LPCAT2: variants seen among roughly 807,000 people sequenced by gnomAD.
LPCAT2 encodes the protein 1-AGP acyltransferase 11.
In LPCAT2, 58 loss-of-function variants were observed where a neutral mutation model predicts 64.7. The observed-to-expected ratio is 0.90, with a 90% confidence interval of 0.73 to 1.12. The LOEUF (loss-of-function observed/expected upper bound fraction) is 1.12, where lower values mean the gene tolerates loss of function less well. Ranked by LOEUF, LPCAT2 falls within the 50% of genes most tolerant of loss-of-function variation. LPCAT2 has a pLI of 0.00. For missense variants in LPCAT2, 579 were observed against 669.8 expected (o/e 0.86, Z 1.50); for synonymous variants, 252 against 245.3 (o/e 1.03, Z -0.26).
intron 11 of LPCAT2, among the ~76,000 whole-genome samples, chr16:55,572,693 C>T (rs564905432): frequency 3.2e-4 from 48 of 152,244 alleles, no homozygotes; most frequent in African/African-American, 5.1e-4. Flanking sequence ...TGGTGGCACA[C>T]GCCTGTAGTT....
intron 1 of LPCAT2, among the ~76,000 whole-genome samples, chr16:55,513,270 A>G (rs1386811875): frequency 6.6e-6 from 1 of 152,190 alleles, no homozygotes; most frequent in Non-Finnish European, 1.5e-5. Flanking sequence ...GCAGAGAAAT[A>G]GAAAATGTAA....
At chr16:55,575,009 C>A (rs1398504207) in intron 12 of LPCAT2, among the ~76,000 whole-genome samples, 1 of 151,788 alleles carries the variant, frequency 6.6e-6, no homozygotes, top group African/African-American at 2.4e-5. Flanking sequence ...TTTTCAGCTT[C>A]CCCATTTTGA....
chr16:55,524,047 A>G (rs1293922703), intron 1 of LPCAT2, among the ~76,000 whole-genome samples: 2 of 151,884 alleles, frequency 1.3e-5, no homozygotes, highest in South Asian at 2.1e-4. Flanking sequence ...ATAAAGTTAA[A>G]TAACATCTAT....
At chr16:55,545,844 CATAA>C in intron 9 of LPCAT2, 27 bp downstream of exon 9, 2 of 1,517,438 alleles carry the variant, frequency 1.3e-6, no homozygotes, top group Non-Finnish European at 1.8e-6. Flanking sequence ...GATTATAACT[CATAA>C]ATAATTTGAA....
At position 55,584,047 on chromosome 16, in the gene LPCAT2, G is replaced by A. The variant is rs1416009979; in HGVS notation, c.*949G>A. The A allele has an allele frequency of 6.6e-6, 1 of 152,142 alleles. No homozygotes were observed. Among genetic ancestry groups the A allele is most frequent in the African/African-American group, 2.4e-5 (1 of 41,444 alleles). 9.4% of individuals were successfully genotyped at this position (152,142 alleles called of 1,614,324 possible). ...TCCTTTTACATGAACTACAGGTTTA[G>A]AACTTGGTTTTAAGACAACTGCTAT... is the stretch of plus-strand genomic sequence containing the variant. On this transcript the variant is annotated 3_prime_UTR_variant, in exon 14 of 14. Transcript: ENST00000262134.
chr16:55,562,628 C>T (rs565542308), intron 11 of LPCAT2, among the ~76,000 whole-genome samples: 1 of 151,806 alleles, frequency 6.6e-6, no homozygotes, highest in Non-Finnish European at 1.5e-5. Flanking sequence ...TCCTGTAGTT[C>T]TACTTGATTT....
chr16:55,546,675 A>G (rs1963457179), intron 9 of LPCAT2, among the ~76,000 whole-genome samples: 1 of 152,152 alleles, frequency 6.6e-6, no homozygotes, highest in Non-Finnish European at 1.5e-5. Context: ...CAGAATAACT[A>G]TTTTCAAAAT....
intron 1 of LPCAT2, among the ~76,000 whole-genome samples, chr16:55,519,943 G>C (rs1172682057): frequency 1.3e-5 from 2 of 151,896 alleles, no homozygotes; most frequent in Non-Finnish European, 2.9e-5. Context: ...GATCACTAAA[G>C]AAAAATTTCA....
chr16:55,579,282 G>C (rs761231786), intron 13 of LPCAT2, 38 bp downstream of exon 13: 2 of 1,602,892 alleles, frequency 1.2e-6, no homozygotes, highest in South Asian at 2.2e-5. Context: ...TAGTTTACAA[G>C]GAGGACATCC....
chr16:55,552,125 G>A (rs1963524616), intron 11 of LPCAT2, among the ~76,000 whole-genome samples: 2 of 151,944 alleles, frequency 1.3e-5, no homozygotes, highest in South Asian at 4.2e-4. Flanking sequence ...TTAAGTCCTG[G>A]CAGCCAGTGA....
At chr16:55,569,054 A>C (rs1963740615) in intron 11 of LPCAT2, among the ~76,000 whole-genome samples, 1 of 152,138 alleles carries the variant, frequency 6.6e-6, no homozygotes, top group South Asian at 2.1e-4. Flanking sequence ...CCGAGTTTGC[A>C]GATAAATTCT....
intron 1 of LPCAT2, among the ~76,000 whole-genome samples, chr16:55,511,693 CTG>C (rs1400166177): frequency 6.6e-6 from 1 of 152,124 alleles, no homozygotes; most frequent in Non-Finnish European, 1.5e-5. Context: ...AATTGATTTA[CTG>C]TTAGACACTA....
intron 1 of LPCAT2, among the ~76,000 whole-genome samples, chr16:55,521,198 C>T (rs1259581293): frequency 6.6e-6 from 1 of 151,612 alleles, no homozygotes; most frequent in Non-Finnish European, 1.5e-5. Flanking sequence ...AATAAGGGAA[C>T]ATTATTAACA....
At chr16:55,572,272 G>C (rs1234660254) in intron 11 of LPCAT2, among the ~76,000 whole-genome samples, 1 of 152,098 alleles carries the variant, frequency 6.6e-6, no homozygotes, top group African/African-American at 2.4e-5. Context: ...TGGTAGTATA[G>C]ATAAAAACTG....
chr16:55,583,116 A>T lies in LPCAT2; in HGVS notation c.*18A>T. On this transcript the variant is annotated 3_prime_UTR_variant, in exon 14 of 14. Coordinates refer to ENST00000262134, the MANE Select transcript of LPCAT2 (RefSeq NM_017839.5). ...ATGACTGAAAGCAGTATTTCCAATA[A>T]GGAAAACACAGTAGCTTTTGCTTGA... 1 of 1,588,686 alleles carries T rather than the reference A, an allele frequency of 6.3e-7. No individual in the cohort carries two copies. Among genetic ancestry groups the T allele is most frequent in the Non-Finnish European group, 8.6e-7 (1 of 1,163,250 alleles).
At chr16:55,527,630 G>T (rs1176237988) in intron 2 of LPCAT2, among the ~76,000 whole-genome samples, 2 of 151,928 alleles carry the variant, frequency 1.3e-5, no homozygotes, top group Non-Finnish European at 2.9e-5. Context: ...CTACTCAATT[G>T]GATCTTACTT....
In LPCAT2 at chr16:55,583,062, G is replaced by A; in HGVS notation, c.1599G>A (p.Lys533=). ...STASNKVSPE[K]HEESTSDKKD... ...CCAGTAATAAAGTCAGCCCTGAAAA[G>A]CATGAAGAGAGTACCTCAGACAAAA... The change falls in exon 14 of 14, where the codon AAG becomes AAA. Residue 533 remains lysine (K), a synonymous_variant. Coordinates refer to ENST00000262134, the MANE Select transcript of LPCAT2 (RefSeq NM_017839.5). 1 of 1,613,672 alleles carries A rather than the reference G, an allele frequency of 6.2e-7. No homozygotes were observed. The highest frequency in any genetic ancestry group is 8.5e-7 in the Non-Finnish European group (1 of 1,179,738).
rs1186302971 is a variant in LPCAT2 at position 55,574,627 on chromosome 16, A to G, written c.1216-4A>G. 1.9e-6 allele frequency: 3 copies of G among 1,606,820 alleles called. No individual in the cohort carries two copies. The highest frequency in any genetic ancestry group is 2.6e-6 in the Non-Finnish European group (3 of 1,173,600). On this transcript the variant is annotated splice_polypyrimidine_tract_variant and splice_region_variant and intron_variant, in intron 11 of 13. Coordinates refer to ENST00000262134, the MANE Select transcript of LPCAT2 (RefSeq NM_017839.5). ...CCTAATTGATTTATCCCATCCTTTC[A>G]CAGAACCATGATGGCAGCATTGACT...
At chr16:55,518,298 C>T (rs1256703848) in intron 1 of LPCAT2, among the ~76,000 whole-genome samples, 2 of 151,720 alleles carry the variant, frequency 1.3e-5, no homozygotes, top group African/African-American at 4.9e-5. Context: ...GGAAGACATC[C>T]TGTGTTCATA....
Sources: allele counts gnomAD v4.1 joint callset (sites outside exome capture counted in the v4.1 genomes callset), GRCh38; gene constraint gnomAD v4.1.1; transcripts MANE v1.5; gene names NCBI Gene and HGNC (gene_info 2026-07-23, HGNC 2026-07-21).